Variants in CNTNAP2 observed in about 807,000 individuals in gnomAD.
The protein encoded by CNTNAP2 is contactin associated protein 2.
In CNTNAP2, 98 loss-of-function variants were observed where a neutral mutation model predicts 155.2. That is an observed-to-expected ratio of 0.63 (90% CI 0.54 to 0.75). The LOEUF (loss-of-function observed/expected upper bound fraction) is 0.75. CNTNAP2 is among the 30% of genes least tolerant of loss of function. The pLI, the probability that CNTNAP2 is intolerant of heterozygous loss-of-function variation, is 0.00. For synonymous variants in CNTNAP2, 651 were observed against 631.2 expected, an observed-to-expected ratio of 1.03 and a Z score of -0.47; for missense variants, 1,727 against 1,688.1, an observed-to-expected ratio of 1.02 and a Z score of -0.40.
chr7:148,078,528 T>C (rs1210637152), intron 15 of CNTNAP2, among the ~76,000 whole-genome samples: 1 of 152,170 alleles, frequency 6.6e-6, no homozygotes, highest in Admixed American at 6.5e-5. Flanking sequence ...TTGCCCAGGC[T>C]GGAGTGCAAT....
chr7:148,204,521 T>C (rs1251196833), intron 18 of CNTNAP2, among the ~76,000 whole-genome samples: 1 of 152,246 alleles, frequency 6.6e-6, no homozygotes. Flanking sequence ...AATTAAAATA[T>C]AAATCATTCT....
At chr7:146,693,258 ATTAAGTTTATT>A (rs1800727445) in intron 1 of CNTNAP2, among the ~76,000 whole-genome samples, 1 of 152,128 alleles carries the variant, frequency 6.6e-6, no homozygotes, top group Non-Finnish European at 1.5e-5. Flanking sequence ...TATGCTAAGA[ATTAAGTTTATT>A]TTCACTTTCA....
chr7:147,491,586 T>C (rs1010020032), intron 11 of CNTNAP2, among the ~76,000 whole-genome samples: 3 of 152,188 alleles, frequency 2.0e-5, no homozygotes, highest in African/African-American at 7.2e-5. Flanking sequence ...CCACATTTCA[T>C]CCACCAGTTT....
At chr7:147,901,964 C>A (rs1411934313) in intron 13 of CNTNAP2, among the ~76,000 whole-genome samples, 1 of 152,150 alleles carries the variant, frequency 6.6e-6, no homozygotes, top group African/African-American at 2.4e-5. Context: ...ACCTAAATTT[C>A]TTTACCCATA....
At chr7:147,399,122 A>G (rs561304325) in intron 10 of CNTNAP2, among the ~76,000 whole-genome samples, 1 of 152,168 alleles carries the variant, frequency 6.6e-6, no homozygotes, top group African/African-American at 2.4e-5. Context: ...ATCCAGGATC[A>G]GTATGGAAGC....
chr7:147,937,121 G>T (rs1358069974), intron 14 of CNTNAP2, among the ~76,000 whole-genome samples: 4 of 151,992 alleles, frequency 2.6e-5, no homozygotes, highest in African/African-American at 9.7e-5. Flanking sequence ...ATCCTTCACT[G>T]CTTGACTTAA....
chr7:147,667,820 T>A (rs7810018), intron 13 of CNTNAP2, among the ~76,000 whole-genome samples: 4,016 of 139,960 alleles, frequency 0.029, 172 homozygotes, highest in African/African-American at 0.092. Flanking sequence ...ATAAAAAAAA[T>A]AAAATAAAAA....
chr7:146,540,091 T>G (rs905682663), intron 1 of CNTNAP2, among the ~76,000 whole-genome samples: 1 of 151,998 alleles, frequency 6.6e-6, no homozygotes, highest in East Asian at 1.9e-4. Context: ...ACTTAATAGC[T>G]TTGGATTGGT....
At chr7:146,207,628 C>A (rs1798966373) in intron 1 of CNTNAP2, among the ~76,000 whole-genome samples, 1 of 135,756 alleles carries the variant, frequency 7.4e-6, no homozygotes, top group African/African-American at 2.6e-5. Context: ...TCAAACAGAA[C>A]AGGACTGTGT....
intron 13 of CNTNAP2, among the ~76,000 whole-genome samples, chr7:147,742,309 G>C (rs1013114550): frequency 3.3e-5 from 5 of 152,190 alleles, no homozygotes; most frequent in Non-Finnish European, 7.3e-5. Context: ...ACATTTGAAT[G>C]CATGAATTGG....
intron 5 of CNTNAP2, among the ~76,000 whole-genome samples, chr7:147,109,357 G>T (rs1245753804): frequency 6.6e-6 from 1 of 152,134 alleles, no homozygotes; most frequent in Non-Finnish European, 1.5e-5. Flanking sequence ...CTAGGATTTG[G>T]GCTTGAGCAC....
At chr7:147,179,075 C>T (rs1375025194) in intron 8 of CNTNAP2, among the ~76,000 whole-genome samples, 1 of 152,110 alleles carries the variant, frequency 6.6e-6, no homozygotes, top group East Asian at 1.9e-4. Flanking sequence ...TCTGAGACTC[C>T]ATATCCTTAC....
chr7:146,648,482 A>T (rs1799852711), intron 1 of CNTNAP2, among the ~76,000 whole-genome samples: 1 of 152,086 alleles, frequency 6.6e-6, no homozygotes. Context: ...TGCTGTGAAA[A>T]TTTTTTATTA....
At chr7:146,561,518 G>A (rs749129269) in intron 1 of CNTNAP2, among the ~76,000 whole-genome samples, 36 of 152,084 alleles carry the variant, frequency 2.4e-4, no homozygotes, top group Non-Finnish European at 4.7e-4. Flanking sequence ...AATTAGCAGG[G>A]CGTGGTGGCA....
chr7:147,012,057 T>A (rs919610029), intron 3 of CNTNAP2, among the ~76,000 whole-genome samples: 14 of 152,214 alleles, frequency 9.2e-5, no homozygotes, highest in African/African-American at 3.4e-4. Context: ...AGGGCTCCCA[T>A]GTTATGTAAA....
chr7:146,448,595 A>C (rs1224768223), intron 1 of CNTNAP2, among the ~76,000 whole-genome samples: 1 of 151,904 alleles, frequency 6.6e-6, no homozygotes, highest in Non-Finnish European at 1.5e-5. Flanking sequence ...CATTTTATTT[A>C]AAACTAATTA....
At chr7:147,469,332 T>G (rs1798172212) in intron 10 of CNTNAP2, among the ~76,000 whole-genome samples, 1 of 151,960 alleles carries the variant, frequency 6.6e-6, no homozygotes. Flanking sequence ...TTTCCTTTAA[T>G]GAAATACTGA....
chr7:148,082,268 T>C (rs560100574), intron 15 of CNTNAP2, among the ~76,000 whole-genome samples: 1 of 152,164 alleles, frequency 6.6e-6, no homozygotes, highest in African/African-American at 2.4e-5. Context: ...CCAACAGAAC[T>C]AGAACAATAC....
intron 3 of CNTNAP2, among the ~76,000 whole-genome samples, chr7:146,930,178 C>G (rs1270616882): frequency 6.6e-6 from 1 of 152,146 alleles, no homozygotes; most frequent in Non-Finnish European, 1.5e-5. Context: ...ATGTTAAGGG[C>G]AGCCAGAGAG....
Sources: allele counts gnomAD v4.1 joint callset (sites outside exome capture counted in the v4.1 genomes callset), GRCh38; gene constraint gnomAD v4.1.1; transcripts MANE v1.5; gene names NCBI Gene and HGNC (gene_info 2026-07-23, HGNC 2026-07-21).